GANC: variants seen among roughly 807,000 people sequenced by gnomAD.
GANC encodes the protein glucosidase alpha, neutral C, also known as neutral alpha-glucosidase C.
GANC carries 117 observed loss-of-function variants against 124.2 expected under a neutral mutation model. That is an observed-to-expected ratio of 0.94 (90% confidence interval 0.81 to 1.10). The LOEUF (loss-of-function observed/expected upper bound fraction) is 1.10, where lower values mean the gene tolerates loss of function less well. GANC is among the 50% of genes least tolerant of loss of function. The pLI is 0.00. For synonymous variants in GANC, 377 were observed against 376.8 expected (o/e 1.00, Z -0.01); for missense variants, 1,140 against 1,095.0 (o/e 1.04, Z -0.58).
At chr15:42,310,613 A>C (rs2052041425) in intron 9 of GANC, 80 bp from the exon 10 acceptor site, 1 of 1,543,832 alleles carries the variant, frequency 6.5e-7, no homozygotes, top group Non-Finnish European at 8.8e-7. Context: ...CTACTAAAGG[A>C]TCAGACTGTT....
chr15:42,309,566 C>T (rs145906833), intron 8 of GANC, among the ~76,000 whole-genome samples: 2,173 of 152,086 alleles, frequency 0.014, 49 homozygotes, highest in African/African-American at 0.05. Flanking sequence ...GATCCACCTG[C>T]TTCGGCCTCC....
intron 7 of GANC, among the ~76,000 whole-genome samples, chr15:42,307,778 C>T (rs923452238): frequency 1.3e-5 from 2 of 152,012 alleles, no homozygotes; most frequent in Non-Finnish European, 2.9e-5. Flanking sequence ...TAGTCACAGA[C>T]GAGGCTGGCA....
chr15:42,310,093 G>A (rs569435952), intron 8 of GANC, among the ~76,000 whole-genome samples, 190 bp from the exon 9 acceptor site: 2 of 152,282 alleles, frequency 1.3e-5, no homozygotes, highest in East Asian at 1.9e-4. Context: ...AGGAAGTGGT[G>A]CCAAAGGAGT....
rs1466364730 is a variant in GANC at position 42,350,591 on chromosome 15, C to T, written c.2532-738C>T. On this transcript the variant is annotated intron_variant, in intron 22 of 23. Transcript: ENST00000318010. ...TTTTGAGACGGAGTTTTGCTCTTGTCGCCCAGGCTGGAGTGCAGTGGCATG... is the reference window on the plus strand; with the variant it reads ...TTTTGAGACGGAGTTTTGCTCTTGTTGCCCAGGCTGGAGTGCAGTGGCATG... Among the ~76,000 whole-genome samples, 12 of 121,306 alleles carry T rather than the reference C, an allele frequency of 9.9e-5. No homozygotes were observed. In the East Asian group the frequency reaches 1.5e-3, roughly 15 times the overall value. 79.6% of individuals were successfully genotyped at this position (121,306 alleles called of 152,430 possible).
chr15:42,300,243 A>T (rs115075037), intron 6 of GANC, among the ~76,000 whole-genome samples: 1 of 152,314 alleles, frequency 6.6e-6, no homozygotes, highest in African/African-American at 2.4e-5. Flanking sequence ...TTTACAAGGA[A>T]CCTAAGCAAA....
At position 42,274,160 on chromosome 15, in the gene GANC, C is replaced by T. The variant is rs1043442774; in HGVS notation, c.-322C>T. On this transcript the variant is annotated 5_prime_UTR_variant, in exon 1 of 24. Coordinates refer to ENST00000318010, the MANE Select transcript of GANC (RefSeq NM_198141.3). ...AGGTTCTTAACGCTCTTGATTTTTA[C>T]CCTCTAGGACTCATTGCGTACACGC... is the stretch of plus-strand genomic sequence containing the variant. The T allele has an allele frequency of 1.0e-5, 3 of 291,366 alleles. No homozygotes were observed. The highest frequency in any genetic ancestry group is 5.7e-5 in the Admixed American group (1 of 17,682). 18.0% of individuals were successfully genotyped at this position (291,366 alleles called of 1,614,324 possible). A position where few individuals can be genotyped will look rare whatever the true frequency, so the allele number is the denominator to read the frequency against.
chr15:42,326,523 C>T, intron 12 of GANC, 99 bp downstream of exon 12: 4 of 1,549,892 alleles, frequency 2.6e-6, no homozygotes, highest in Non-Finnish European at 3.5e-6. Context: ...ATGTCTCTTG[C>T]TCCTCTAGCT....
At chr15:42,343,887 G>A (rs2052345267) in intron 19 of GANC, among the ~76,000 whole-genome samples, 1 of 152,172 alleles carries the variant, frequency 6.6e-6, no homozygotes, top group Non-Finnish European at 1.5e-5. Flanking sequence ...AGAGCAGGAA[G>A]GAGACAGACC....
intron 10 of GANC, among the ~76,000 whole-genome samples, chr15:42,320,606 A>G (rs1029723024): frequency 1.9e-4 from 29 of 151,048 alleles, no homozygotes; most frequent in African/African-American, 6.4e-4. Context: ...CCGCCACCAC[A>G]CCTGGATAAT....
rs571882071 is a variant in GANC, at chr15:42,274,770, G to A, written c.29+260G>A. On this transcript the variant is annotated intron_variant, in intron 1 of 23. Transcript: ENST00000318010. Reference sequence around the variant, plus strand: ...GTGGGAGGATCGCTTGAGTTCAGGAGTTCGAGACCCCCTCCCCGCCCCCTC... The same window carrying A: ...GTGGGAGGATCGCTTGAGTTCAGGAATTCGAGACCCCCTCCCCGCCCCCTC... Among the ~76,000 whole-genome samples, 20 of 152,078 alleles carry A rather than the reference G, an allele frequency of 1.3e-4. No individual in the cohort carries two copies. The South Asian group carries it at 4.2e-3, about 32-fold the overall frequency.
At position 42,339,890 on chromosome 15, in the gene GANC, G is replaced by A. The variant is rs1031278019; in HGVS notation, c.2065G>A (p.Val689Met). 12 of 1,613,948 alleles carry A rather than the reference G, an allele frequency of 7.4e-6. 1 individual carries two copies. Among genetic ancestry groups the A allele is most frequent in the Middle Eastern group, 1.7e-4 (1 of 6,058 alleles). ...GTATTCTCTGTTCTACCATGCACACGTGGCTTCCCAACCTGTCATGAGGTA... is the reference window on the plus strand; with the variant it reads ...GTATTCTCTGTTCTACCATGCACACATGGCTTCCCAACCTGTCATGAGGTA... ...YWYSLFYHAH[V>M]ASQPVMRPLW... The change falls in exon 17 of 24, where the codon GTG (valine) becomes ATG (methionine). Residue 689 changes from valine to methionine, a missense_variant. Transcript: ENST00000318010.
At position 42,353,399 on chromosome 15, in the gene GANC, A is replaced by C; in HGVS notation, c.*1260A>C. On this transcript the variant is annotated 3_prime_UTR_variant, in exon 24 of 24. Coordinates refer to ENST00000318010, the MANE Select transcript of GANC (RefSeq NM_198141.3). Reference sequence around the variant, plus strand: ...TCCCATGAAGCCTAACTGCGTGAACACCCCTACCCCCATACCCATTAGCAG... The same window carrying C: ...TCCCATGAAGCCTAACTGCGTGAACCCCCCTACCCCCATACCCATTAGCAG... The C allele has an allele frequency of 7.2e-6, 7 of 975,706 alleles. No homozygotes were observed. Among genetic ancestry groups the C allele is most frequent in the Non-Finnish European group, 8.5e-6 (7 of 820,988 alleles). 60.4% of individuals were successfully genotyped at this position (975,706 alleles called of 1,614,324 possible).
At chr15:42,309,109 T>A (rs963165624) in intron 8 of GANC, among the ~76,000 whole-genome samples, 1 of 152,190 alleles carries the variant, frequency 6.6e-6, no homozygotes, top group African/African-American at 2.4e-5. Flanking sequence ...GACAAATAGA[T>A]GCCCGAGGCA....
intron 12 of GANC, among the ~76,000 whole-genome samples, 174 bp from the exon 13 acceptor site, chr15:42,327,189 G>A (rs2052204838): frequency 6.6e-6 from 1 of 152,200 alleles, no homozygotes; most frequent in Admixed American, 6.5e-5. Context: ...GATTGTCACT[G>A]GAGCCCAGCA....
chr15:42,281,317 G>A, intron 3 of GANC, among the ~76,000 whole-genome samples: 1 of 152,184 alleles, frequency 6.6e-6, no homozygotes, highest in East Asian at 1.9e-4. Context: ...CTGTCAGTCT[G>A]TTAGAGACAA....
chr15:42,307,904 G>GA (rs2052013643), intron 7 of GANC, among the ~76,000 whole-genome samples: 1 of 152,234 alleles, frequency 6.6e-6, no homozygotes, highest in South Asian at 2.1e-4. Context: ...TTTCGATTAG[G>GA]AAAAAATCTA....
intron 7 of GANC, among the ~76,000 whole-genome samples, chr15:42,306,913 TA>T (rs1293769830): frequency 6.6e-6 from 1 of 152,132 alleles, no homozygotes; most frequent in Non-Finnish European, 1.5e-5. Context: ...AATTCCACAT[TA>T]AATTTTTATG....
Position 42,306,597 on chromosome 15 carries a change from G to T in GANC, c.610G>T (p.Asp204Tyr). The T allele has an allele frequency of 1.2e-6, 2 of 1,610,834 alleles. No homozygotes were observed. The highest frequency in any genetic ancestry group is 1.7e-6 in the Non-Finnish European group (2 of 1,177,300). The stretch of plus-strand genomic sequence containing the variant: ...GGAAGAGAAATTTGGAAAATTTGTG[G>T]ATATCAAAGCTAATGGTAAAATTGA... ...LWEEKFGKFV[D>Y]IKANGPSSIG... Residue 204 changes from aspartate to tyrosine, a missense_variant, in exon 7 of 24, where the codon GAT becomes TAT. Transcript: ENST00000318010.
rs531252924 is a variant in GANC, at chr15:42,348,106, C to T, written c.2308C>T (p.Pro770Ser). 3.8e-6 allele frequency: 6 copies of T among 1,594,460 alleles called. No homozygotes were observed. The highest frequency in any genetic ancestry group is 1.7e-5 in the Admixed American group (1 of 57,844). ...VKIPVALDTI[P>S]VFQRGGSVIP... ...TGAGCGTGCTGCTCTGTTACAGATT[C>T]CAGTGTTTCAGCGAGGTGGAAGTGT... Residue 770 changes from proline (P) to serine (S), a missense_variant, in exon 21 of 24, where the codon CCA (proline) becomes TCA (serine). By Grantham distance (74) the Pro-to-Ser change is moderately conservative (BLOSUM62 -1). Coordinates refer to ENST00000318010, the MANE Select transcript of GANC (RefSeq NM_198141.3).
Sources: allele counts gnomAD v4.1 joint callset (sites outside exome capture counted in the v4.1 genomes callset), GRCh38; gene constraint gnomAD v4.1.1; transcripts MANE v1.5; gene names NCBI Gene and HGNC (gene_info 2026-07-23, HGNC 2026-07-21).